PIGK: variants seen among roughly 807,000 people sequenced by gnomAD.
PIGK encodes the protein GPI-anchor transamidase.
PIGK carries 42 observed loss-of-function variants against 50.6 expected under a neutral mutation model. The observed-to-expected ratio is 0.83, with a 90% CI of 0.65 to 1.07. The LOEUF (loss-of-function observed/expected upper bound fraction) is 1.07, where lower values mean the gene tolerates loss of function less well. Among genes scored for constraint, PIGK ranks in the 50% least tolerant of loss-of-function variants. The pLI is 0.00. For synonymous variants in PIGK, 151 were observed against 156.0 expected, an observed-to-expected ratio of 0.97 and a Z score of 0.24; for missense variants, 448 against 488.7, an observed-to-expected ratio of 0.92 and a Z score of 0.78.
chr1:77,097,735 A>C (rs1653450656), intron 10 of PIGK, among the ~76,000 whole-genome samples: 1 of 152,158 alleles, frequency 6.6e-6, no homozygotes, highest in Non-Finnish European at 1.5e-5. Flanking sequence ...ATTAGATATC[A>C]AAAAGCTCCA....
Position 77,171,517 on chromosome 1 carries a change from CTAAA to C in PIGK, c.240-2126_240-2123del, listed in dbSNP as rs949708190. On this transcript the variant is annotated intron_variant, in intron 3 of 10. Coordinates refer to ENST00000370812, the MANE Select transcript of PIGK (RefSeq NM_005482.3). Reference sequence around the variant, plus strand: ...TTAGGGTTAATTTCACTCTGTGAAACTAAATAATTATTCAATAGCTATATAATGT... The same window carrying C: ...TTAGGGTTAATTTCACTCTGTGAAACTAATTATTCAATAGCTATATAATGT... Among the ~76,000 whole-genome samples, 55 of 140,430 alleles carry C rather than the reference CTAAA, an allele frequency of 3.9e-4. 1 individual carries two copies. The highest frequency in any genetic ancestry group is 1.4e-3 in the African/African-American group (52 of 38,346). 92.1% of individuals were successfully genotyped at this position (140,430 alleles called of 152,430 possible).
rs182434460 is a variant in PIGK at position 77,185,140 on chromosome 1, C to T, written c.240-15745G>A. Among the ~76,000 whole-genome samples the T allele has an allele frequency of 3.8e-3, 573 of 152,306 alleles. 5 individuals carry two copies. Among genetic ancestry groups the T allele is most frequent in the African/African-American group, 0.013 (543 of 41,562 alleles). ...ATGTAGCCACTGATTCGGCAAATAC[C>T]TTTTTCTCCATGCCTGTCTACAAGG... On this transcript the variant is annotated intron_variant, in intron 3 of 10. Coordinates refer to ENST00000370812, the MANE Select transcript of PIGK (RefSeq NM_005482.3).
Position 77,089,168 on chromosome 1 carries a change from T to C in PIGK, c.*3206A>G, listed in dbSNP as rs772556332. 3.3e-5 allele frequency: 5 copies of C among 152,214 alleles called. No individual in the cohort carries two copies. In the South Asian group the frequency reaches 6.2e-4, roughly 19 times the overall value. The allele number at this position is 152,214 out of a possible 1,614,324, so 9.4% of individuals were successfully genotyped here. On this transcript the variant is annotated 3_prime_UTR_variant, in exon 11 of 11. Transcript: ENST00000370812. ...AAAGCCTGGTTACCACCAAGGTGTA[T>C]TGTCCATGAATTGAAAGGCTTTCCT...
At chr1:77,175,473 C>T (rs184072448) in intron 3 of PIGK, among the ~76,000 whole-genome samples, 11 of 152,050 alleles carry the variant, frequency 7.2e-5, no homozygotes, top group African/African-American at 1.9e-4. Context: ...CAAAAGTAAA[C>T]GCTGCTAAGA....
intron 9 of PIGK, among the ~76,000 whole-genome samples, chr1:77,135,411 T>C (rs1654477059): frequency 6.6e-6 from 1 of 152,174 alleles, no homozygotes; most frequent in African/African-American, 2.4e-5. Flanking sequence ...CACATATATG[T>C]ATATGTACTA....
Position 77,102,266 on chromosome 1 carries a change from A to T in PIGK, c.1072-9776T>A, listed in dbSNP as rs572890884. ...AGTTTCCTGGTGACCACTCCTAATTATTTGGATTCTATTATATTTCTAGAG... is the reference window on the plus strand; with the variant it reads ...AGTTTCCTGGTGACCACTCCTAATTTTTTGGATTCTATTATATTTCTAGAG... On this transcript the variant is annotated intron_variant, in intron 10 of 10. Transcript: ENST00000370812. 2.0e-5 allele frequency among the ~76,000 whole-genome samples: 3 copies of T among 152,288 alleles called. No homozygotes were observed. In the South Asian group the frequency reaches 6.2e-4, roughly 32 times the overall value.
At chr1:77,136,838 G>C (rs1267393270) in intron 9 of PIGK, among the ~76,000 whole-genome samples, 1 of 152,128 alleles carries the variant, frequency 6.6e-6, no homozygotes, top group East Asian at 1.9e-4. Context: ...CTCATAACCT[G>C]TCCTAACACT....
At chr1:77,191,140 C>T (rs1263368200) in intron 3 of PIGK, among the ~76,000 whole-genome samples, 1 of 152,190 alleles carries the variant, frequency 6.6e-6, no homozygotes, top group Admixed American at 6.5e-5. Context: ...ACCAAAATTA[C>T]AAGTTACTAT....
At chr1:77,180,676 C>T (rs994103197) in intron 3 of PIGK, among the ~76,000 whole-genome samples, 11 of 102,872 alleles carry the variant, frequency 1.1e-4, no homozygotes, top group East Asian at 6.9e-4. Context: ...ACATTGGTTC[C>T]GTGGGTAGGG....
In PIGK at chr1:77,161,298, G is replaced by A. The variant is rs1206370977; in HGVS notation, c.810C>T (p.Asp270=). ...INPASQTNMN[D]LFQVCPKSLC... The stretch of plus-strand genomic sequence containing the variant: ...ATCAAATCAAGTGAATACTTACAAG[G>A]TCATTCATATTAGTTTGGCTAGCTG... The change falls in exon 8 of 11, where the codon GAC becomes GAT. Residue 270 remains aspartate (D), a synonymous_variant. Coordinates refer to ENST00000370812, the MANE Select transcript of PIGK (RefSeq NM_005482.3). The A allele has an allele frequency of 7.0e-7, 1 of 1,428,264 alleles. No homozygotes were observed. The highest frequency in any genetic ancestry group is 9.9e-7 in the Non-Finnish European group (1 of 1,010,858). The allele number at this position is 1,428,264 out of a possible 1,614,324, so 88.5% of individuals were successfully genotyped here.
At chr1:77,199,927 AC>A (rs1370349117) in intron 3 of PIGK, among the ~76,000 whole-genome samples, 2 of 152,158 alleles carry the variant, frequency 1.3e-5, no homozygotes, top group African/African-American at 2.4e-5. Flanking sequence ...TCACTAAAAT[AC>A]CTTATTAAAT....
intron 3 of PIGK, among the ~76,000 whole-genome samples, chr1:77,200,424 CT>C (rs1274991221): frequency 7.9e-5 from 12 of 151,932 alleles, no homozygotes; most frequent in African/African-American, 2.7e-4. Context: ...TGCACACCCC[CT>C]AGTCACCACA....
chr1:77,197,522 C>A (rs1306627272), intron 3 of PIGK, among the ~76,000 whole-genome samples: 2 of 152,336 alleles, frequency 1.3e-5, no homozygotes, highest in East Asian at 1.9e-4. Flanking sequence ...CTAAACTTCA[C>A]AATCACCACA....
chr1:77,129,036 T>C (rs1012807193), intron 9 of PIGK: 9 of 766,376 alleles, frequency 1.2e-5, no homozygotes, highest in Admixed American at 1.7e-5. Flanking sequence ...ACTGAGACCA[T>C]ATGGCCTATG....
At chr1:77,098,784 A>G (rs931986663) in intron 10 of PIGK, among the ~76,000 whole-genome samples, 6 of 152,208 alleles carry the variant, frequency 3.9e-5, no homozygotes, top group African/African-American at 1.4e-4. Context: ...GTAAGACACA[A>G]GGGTATATCA....
rs144038716 is a variant in PIGK, at chr1:77,161,665, T to C, written c.631A>G (p.Met211Val). 5 of 1,585,992 alleles carry C rather than the reference T, an allele frequency of 3.2e-6. No homozygotes were observed. The highest frequency in any genetic ancestry group is 3.5e-6 in the Non-Finnish European group (4 of 1,154,582). Reference protein sequence around the residue: ...FIIDTCQGASMYERFYSPNIM... With the variant: ...FIIDTCQGASVYERFYSPNIM... ...TTAGGAGAATAAAATCGTTCATACA[T>C]GGATGCTCCTTGGCAAGTATCAATA... Residue 211 changes from methionine (M) to valine (V), a missense_variant, in exon 7 of 11, where the codon ATG becomes GTG. By Grantham distance (21) the Met-to-Val change is conservative (BLOSUM62 1). Coordinates refer to ENST00000370812, the MANE Select transcript of PIGK (RefSeq NM_005482.3).
At chr1:77,113,684 G>A (rs544921426) in intron 10 of PIGK, among the ~76,000 whole-genome samples, 27 of 152,162 alleles carry the variant, frequency 1.8e-4, no homozygotes, top group South Asian at 1.7e-3. Flanking sequence ...TGAAAATTGC[G>A]TTATGAATGG....
chr1:77,129,449 G>A (rs993577826), intron 9 of PIGK: 22 of 1,454,580 alleles, frequency 1.5e-5, no homozygotes, highest in Admixed American at 6.9e-5. Flanking sequence ...TAGATTCTCT[G>A]GTCATTGAGC....
chr1:77,179,409 G>C (rs1003475460), intron 3 of PIGK, among the ~76,000 whole-genome samples: 5 of 152,302 alleles, frequency 3.3e-5, no homozygotes, highest in Non-Finnish European at 7.3e-5. Context: ...TTAATAGGTA[G>C]ACAACACTGA....
Sources: allele counts gnomAD v4.1 joint callset (sites outside exome capture counted in the v4.1 genomes callset), GRCh38; gene constraint gnomAD v4.1.1; transcripts MANE v1.5; gene names NCBI Gene and HGNC (gene_info 2026-07-23, HGNC 2026-07-21).